SLC7A1: variants seen among roughly 807,000 people sequenced by gnomAD.
SLC7A1 encodes solute carrier family 7 member 1.
Under a neutral mutation model 53.9 loss-of-function variants are expected in SLC7A1, and 10 were observed. That is an observed-to-expected ratio of 0.19 (90% CI 0.11 to 0.31). SLC7A1 has a LOEUF of 0.31. SLC7A1 is among the 10% of genes least tolerant of loss of function. The pLI is 1.00. For synonymous variants in SLC7A1, 342 were observed against 338.7 expected (o/e 1.01, Z -0.11); for missense variants, 525 against 827.2 (o/e 0.63, Z 4.48).
chr13:29,514,977 C>CTCT (rs1236258242), intron 12 of SLC7A1, among the ~76,000 whole-genome samples: 1 of 152,192 alleles, frequency 6.6e-6, no homozygotes, highest in Non-Finnish European at 1.5e-5. Flanking sequence ...GGTCTCCAGG[C>CTCT]TCTCAGCCTG....
At chr13:29,586,493 T>G (rs1413349939) in intron 1 of SLC7A1, among the ~76,000 whole-genome samples, 2 of 152,218 alleles carry the variant, frequency 1.3e-5, no homozygotes, top group Non-Finnish European at 1.5e-5. Flanking sequence ...CCAGATGGTT[T>G]CACTTTTAAC....
At chr13:29,565,809 C>A (rs1248873252) in intron 1 of SLC7A1, among the ~76,000 whole-genome samples, 1 of 152,212 alleles carries the variant, frequency 6.6e-6, no homozygotes, top group Non-Finnish European at 1.5e-5. Context: ...TCCCTGCTCC[C>A]AGTTCTCGGG....
chr13:29,586,979 C>T lies in SLC7A1; in HGVS notation c.-115+8437G>A, dbSNP rs1054799628. ...TCTGGCCCGTCCAGGTTGGGCGTTA[C>T]GTGGACTCAGCAGGGTGTGTGGAGT... On this transcript the variant is annotated intron_variant, in intron 1 of 12. Transcript: ENST00000380752. Among the ~76,000 whole-genome samples, 6 of 152,230 alleles carry T rather than the reference C, an allele frequency of 3.9e-5. No homozygotes were observed. In the South Asian group the frequency reaches 6.2e-4, roughly 16 times the overall value.
chr13:29,533,108 C>T lies in SLC7A1; in HGVS notation c.371-126G>A, dbSNP rs1028165395. ...ACGGTGCACTGGAATCTGGCAGCAG[C>T]AGCCAGACCACAGTGTATGCTGAGC... On this transcript the variant is annotated intron_variant, in intron 3 of 12. Coordinates refer to ENST00000380752, the MANE Select transcript of SLC7A1 (RefSeq NM_003045.5). 3.3e-6 allele frequency: 3 copies of T among 914,760 alleles called. No individual in the cohort carries two copies. The African/African-American group carries it at 5.0e-5, about 15-fold the overall frequency. The allele number at this position is 914,760 out of a possible 1,614,324, so 56.7% of individuals were successfully genotyped here.
chr13:29,566,661 G>A (rs1364814682), intron 1 of SLC7A1, among the ~76,000 whole-genome samples: 1 of 152,194 alleles, frequency 6.6e-6, no homozygotes, highest in Non-Finnish European at 1.5e-5. Context: ...TAGGGGTGAC[G>A]AAAATATTCC....
At chr13:29,565,097 G>C (rs566808197) in intron 1 of SLC7A1, among the ~76,000 whole-genome samples, 27 of 152,308 alleles carry the variant, frequency 1.8e-4, no homozygotes, top group Non-Finnish European at 3.5e-4. Flanking sequence ...TTAATGGTTT[G>C]TCAATATTTT....
intron 5 of SLC7A1, among the ~76,000 whole-genome samples, chr13:29,526,685 A>C (rs979024247): frequency 2.0e-5 from 3 of 152,238 alleles, no homozygotes; most frequent in African/African-American, 7.2e-5. Flanking sequence ...GGGGACTAAG[A>C]AGGGCTGGAA....
At chr13:29,563,100 A>G (rs956766795) in intron 1 of SLC7A1, among the ~76,000 whole-genome samples, 5 of 152,238 alleles carry the variant, frequency 3.3e-5, no homozygotes, top group Non-Finnish European at 7.3e-5. Flanking sequence ...CCGGGAGGAC[A>G]GAGTCGGGGG....
At chr13:29,542,018 C>A (rs1421988427) in intron 2 of SLC7A1, among the ~76,000 whole-genome samples, 3 of 152,146 alleles carry the variant, frequency 2.0e-5, no homozygotes, top group East Asian at 3.8e-4. Flanking sequence ...TTTCAAAATT[C>A]TCTTTAAAAA....
At chr13:29,579,855 G>A (rs1871566734) in intron 1 of SLC7A1, among the ~76,000 whole-genome samples, 1 of 152,120 alleles carries the variant, frequency 6.6e-6, no homozygotes, top group Non-Finnish European at 1.5e-5. Context: ...GGTCGAACCG[G>A]TGCCCTGCTC....
At chr13:29,567,256 T>G (rs1294575084) in intron 1 of SLC7A1, among the ~76,000 whole-genome samples, 1 of 151,712 alleles carries the variant, frequency 6.6e-6, no homozygotes, top group Non-Finnish European at 1.5e-5. Context: ...TACACGTGGT[T>G]TTTAAGCTTT....
intron 2 of SLC7A1, among the ~76,000 whole-genome samples, chr13:29,538,000 G>A (rs547143982): frequency 2.6e-5 from 4 of 152,284 alleles, no homozygotes; most frequent in African/African-American, 7.2e-5. Flanking sequence ...AGCAATGGTC[G>A]CATCACTGAT....
intron 1 of SLC7A1, among the ~76,000 whole-genome samples, chr13:29,589,578 T>C (rs280916): frequency 6.6e-6 from 1 of 152,130 alleles, no homozygotes; most frequent in Non-Finnish European, 1.5e-5. Flanking sequence ...GAAGACCCAC[T>C]TTCAGAGACA....
At chr13:29,587,001 G>C (rs944917454) in intron 1 of SLC7A1, among the ~76,000 whole-genome samples, 1 of 152,186 alleles carries the variant, frequency 6.6e-6, no homozygotes, top group Admixed American at 6.5e-5. Flanking sequence ...AGGGTGTGTG[G>C]AGTCTGGGCG....
At chr13:29,516,871 T>C (rs1423105108) in intron 11 of SLC7A1, 2 of 365,078 alleles carry the variant, frequency 5.5e-6, no homozygotes, top group African/African-American at 2.1e-5. Flanking sequence ...ATCCAGGGAC[T>C]GGCGAGGTCT....
chr13:29,534,222 TCC>T (rs1869304675), intron 3 of SLC7A1, among the ~76,000 whole-genome samples: 1 of 152,150 alleles, frequency 6.6e-6, no homozygotes, highest in East Asian at 1.9e-4. Flanking sequence ...AAACTGCCCT[TCC>T]CAGCAGCTAA....
At chr13:29,594,182 T>A (rs528949426) in intron 1 of SLC7A1, among the ~76,000 whole-genome samples, 1 of 152,346 alleles carries the variant, frequency 6.6e-6, no homozygotes, top group African/African-American at 2.4e-5. Context: ...CCCAGATAAA[T>A]TATAATTCGA....
At chr13:29,592,246 T>G (rs1468777094) in intron 1 of SLC7A1, among the ~76,000 whole-genome samples, 5 of 152,164 alleles carry the variant, frequency 3.3e-5, no homozygotes. Flanking sequence ...ATGCAATACC[T>G]GCCATTCCCC....
intron 3 of SLC7A1, 146 bp downstream of exon 3, chr13:29,535,673 T>A: frequency 1.3e-6 from 1 of 779,218 alleles, no homozygotes; most frequent in Non-Finnish European, 2.0e-6. Context: ...ACTAAATACC[T>A]CTAAATGAAT....
Sources: allele counts gnomAD v4.1 joint callset (sites outside exome capture counted in the v4.1 genomes callset), GRCh38; gene constraint gnomAD v4.1.1; transcripts MANE v1.5; gene names NCBI Gene and HGNC (gene_info 2026-07-23, HGNC 2026-07-21).